The following DLL3 variants were observed in gnomAD, a reference collection of about 807,000 sequenced individuals.
DLL3 encodes delta like canonical Notch ligand 3, also known as delta-like protein 3.
DLL3 carries 49 observed loss-of-function variants against 55.0 expected under a neutral mutation model. The ratio of observed to expected loss-of-function variants is 0.89; its 90% CI spans 0.71 to 1.13. The LOEUF is 1.13. DLL3 is among the 50% of genes most tolerant of loss of function. DLL3 has a pLI of 0.00. For missense variants in DLL3, 962 were observed against 875.5 expected (o/e 1.10, Z -1.25); for synonymous variants, 421 against 385.2 (o/e 1.09, Z -1.09).
At chr19:39,505,100 C>A in intron 5 of DLL3, 129 bp from the exon 6 acceptor site, 1 of 902,284 alleles carries the variant, frequency 1.1e-6, no homozygotes, top group Non-Finnish European at 1.8e-6. Flanking sequence ...GGAGGACCTC[C>A]CAGGGTGGCC....
rs1023944294 is a variant in DLL3, at chr19:39,507,524, C to T, written c.1579C>T (p.Arg527Cys). The change falls in exon 7 of 9, where the codon CGC becomes TGC. Residue 527 changes from arginine to cysteine, a missense_variant. Transcript: ENST00000356433. The part of the protein sequence containing the change: ...RRGHSQDAGS[R>C]LLAGTPEPSV... ...TGGCCACTCCCAGGATGCTGGGTCT[C>T]GCTTGCTGGCTGGGACCCCGGAGCC... 2 of 1,603,690 alleles carry T rather than the reference C, an allele frequency of 1.2e-6. No homozygotes were observed. The highest frequency in any genetic ancestry group is 1.7e-5 in the Admixed American group (1 of 58,668).
chr19:39,503,127 C>T, intron 4 of DLL3, 70 bp downstream of exon 4: 1 of 1,452,320 alleles, frequency 6.9e-7, no homozygotes, highest in Non-Finnish European at 9.1e-7. Flanking sequence ...TCACTCGCGG[C>T]CCCCAGTCCC....
chr19:39,502,910 G>T lies in DLL3; in HGVS notation c.505G>T (p.Glu169Ter). The change falls in exon 4 of 9, where the codon GAG (glutamate) becomes TAG (stop). Residue 169 changes from glutamate (E) to a stop codon, truncating the protein, a stop_gained. Transcript: ENST00000356433. LOFTEE classifies it high-confidence loss of function. Reference sequence around the variant, plus strand: ...GGACATTCAGCGCGCAGGCGCCTGGGAGCTGCGCTTCTCGTACCGCGCGCG... The same window carrying T: ...GGACATTCAGCGCGCAGGCGCCTGGTAGCTGCGCTTCTCGTACCGCGCGCG... Reference protein sequence around the residue: ...ARDIQRAGAWELRFSYRARCE... With the variant: ...ARDIQRAGAW The T allele has an allele frequency of 6.9e-7, 1 of 1,447,656 alleles. No homozygotes were observed. The highest frequency in any genetic ancestry group is 9.0e-7 in the Non-Finnish European group (1 of 1,105,648). The allele number at this position is 1,447,656 out of a possible 1,614,324, so 89.7% of individuals were successfully genotyped here.
At chr19:39,501,581 CA>C (rs961712520) in intron 3 of DLL3, among the ~76,000 whole-genome samples, 1 of 152,136 alleles carries the variant, frequency 6.6e-6, no homozygotes, top group Non-Finnish European at 1.5e-5. Context: ...TTTGGCTTCC[CA>C]AAACGTTGGG....
rs1389179156 is a variant in DLL3, at chr19:39,502,910, G to C, written c.505G>C (p.Glu169Gln). The C allele has an allele frequency of 2.1e-5, 31 of 1,447,550 alleles. No individual in the cohort carries two copies. The highest frequency in any genetic ancestry group is 2.6e-5 in the Non-Finnish European group (29 of 1,105,658). The allele number at this position is 1,447,550 out of a possible 1,614,324, so 89.7% of individuals were successfully genotyped here. ...GGACATTCAGCGCGCAGGCGCCTGG[G>C]AGCTGCGCTTCTCGTACCGCGCGCG... ...ARDIQRAGAW[E>Q]LRFSYRARCE... The change falls in exon 4 of 9, where the codon GAG becomes CAG. Residue 169 changes from glutamate to glutamine, a missense_variant. Transcript: ENST00000356433.
chr19:39,502,868 G>A lies in DLL3; in HGVS notation c.463G>A (p.Gly155Arg), dbSNP rs1226443841. 10 of 1,416,868 alleles carry A rather than the reference G, an allele frequency of 7.1e-6. No homozygotes were observed. Among genetic ancestry groups the A allele is most frequent in the Non-Finnish European group, 8.3e-6 (9 of 1,090,612 alleles). The allele number at this position is 1,416,868 out of a possible 1,614,324, so 87.8% of individuals were successfully genotyped here. ...RVAGRRRLAA[G>R]GPWARDIQRA... ...GGCTGGCAGGCGGCGCTTGGCAGCCGGAGGCCCGTGGGCCCGGGACATTCA... is the reference window on the plus strand; with the variant it reads ...GGCTGGCAGGCGGCGCTTGGCAGCCAGAGGCCCGTGGGCCCGGGACATTCA... Residue 155 changes from glycine to arginine, a missense_variant, in exon 4 of 9, where the codon GGA (glycine) becomes AGA (arginine). Gly to Arg is a moderately radical substitution (Grantham distance 125, BLOSUM62 -2). Coordinates refer to ENST00000356433, the MANE Select transcript of DLL3 (RefSeq NM_203486.3).
Position 39,508,414 on chromosome 19 carries a change from T to A in DLL3, c.*157T>A, listed in dbSNP as rs1049234613. The A allele has an allele frequency of 1.2e-5, 10 of 818,340 alleles. No individual in the cohort carries two copies. Among genetic ancestry groups the A allele is most frequent in the Non-Finnish European group, 2.0e-5 (10 of 494,444 alleles). The allele number at this position is 818,340 out of a possible 1,614,324, so 50.7% of individuals were successfully genotyped here. On this transcript the variant is annotated 3_prime_UTR_variant, in exon 9 of 9. Coordinates refer to ENST00000356433, the MANE Select transcript of DLL3 (RefSeq NM_203486.3). ...TTGTAAATAATGGTTATTTATATCC[T>A]ATTTTTTCTCACCCCATCTCTCTAG...
chr19:39,504,260 AC>A lies in DLL3; in HGVS notation c.845del (p.Pro282ArgfsTer30). On this transcript the variant is annotated frameshift_variant, in exon 5 of 9. Coordinates refer to ENST00000356433, the MANE Select transcript of DLL3 (RefSeq NM_203486.3). LOFTEE classifies it high-confidence loss of function. ...LVPGPGPCDG[N>X]PCANGGSCSE... is the part of the protein sequence containing the mutation. ...CCTGGGCCTGGGCCCTGTGACGGGA[AC>A]CCGTGTGCCAATGGAGGCAGCTGTA... 6.2e-7 allele frequency: 1 copy of A among 1,612,938 alleles called. No individual in the cohort carries two copies. The highest frequency in any genetic ancestry group is 8.5e-7 in the Non-Finnish European group (1 of 1,180,010).
At position 39,502,991 on chromosome 19, in the gene DLL3, GC is replaced by G; in HGVS notation, c.591del (p.Ser198ArgfsTer43). ...CACGCGCCTCTGCCGTCCGCGCAGC[GC>G]CCCCTCGCGGTGCGGTCCGGGACTG... ...ACTRLCRPRS[A>X]PSRCGPGLRP... On this transcript the variant is annotated frameshift_variant, in exon 4 of 9. Coordinates refer to ENST00000356433, the MANE Select transcript of DLL3 (RefSeq NM_203486.3). LOFTEE classifies it high-confidence loss of function. 2 of 1,482,842 alleles carry G rather than the reference GC, an allele frequency of 1.3e-6. No homozygotes were observed. The highest frequency in any genetic ancestry group is 2.3e-5 in the Admixed American group (1 of 43,576). The allele number at this position is 1,482,842 out of a possible 1,614,324, so 91.9% of individuals were successfully genotyped here.
At position 39,507,638 on chromosome 19, in the gene DLL3, A is replaced by T; in HGVS notation, c.1673+20A>T. 1 of 1,599,242 alleles carries T rather than the reference A, an allele frequency of 6.3e-7. No homozygotes were observed. On this transcript the variant is annotated intron_variant, in intron 7 of 8. Transcript: ENST00000356433. ...TCCGAGGTGAGGGGCTGCGCCACAG[A>T]CGAACGCCTTGCGCTGCTGGCTGCT...
rs1352959894 is a variant in DLL3, at chr19:39,507,317, G to A, written c.1372G>A (p.Gly458Ser). 6.4e-7 allele frequency: 1 copy of A among 1,562,910 alleles called. No homozygotes were observed. The highest frequency in any genetic ancestry group is 8.6e-7 in the Non-Finnish European group (1 of 1,162,232). The change falls in exon 7 of 9, where the codon GGC becomes AGC. Residue 458 changes from glycine to serine, a missense_variant. Gly to Ser is a moderately conservative substitution (Grantham distance 56). Transcript: ENST00000356433. ...FSGLVCACAP[G>S]YMGARCEFPV... Reference sequence around the variant, plus strand: ...CGGCCTCGTCTGCGCTTGCGCTCCCGGCTACATGGGAGCGCGGTGTGAGTT... The same window carrying A: ...CGGCCTCGTCTGCGCTTGCGCTCCCAGCTACATGGGAGCGCGGTGTGAGTT...
At chr19:39,500,467 C>A in intron 2 of DLL3, 148 bp from the exon 3 acceptor site, 1 of 501,048 alleles carries the variant, frequency 2.0e-6, no homozygotes, top group Non-Finnish European at 3.9e-6. Flanking sequence ...CCTCCCTGGG[C>A]TGGTCTGGTC....
chr19:39,504,052 G>T lies in DLL3; in HGVS notation c.653-19G>T, dbSNP rs1309694808. ...CGACGTTGGTGTTCCCTTTCTCTCTGCCTCTCTGTCCCCCATAGTGGTGTG... is the reference window on the plus strand; with the variant it reads ...CGACGTTGGTGTTCCCTTTCTCTCTTCCTCTCTGTCCCCCATAGTGGTGTG... On this transcript the variant is annotated intron_variant, in intron 4 of 8. Transcript: ENST00000356433. The T allele has an allele frequency of 1.2e-6, 2 of 1,612,422 alleles. No individual in the cohort carries two copies. Among genetic ancestry groups the T allele is most frequent in the South Asian group, 1.1e-5 (1 of 91,070 alleles).
chr19:39,503,780 CT>C (rs1176500857), intron 4 of DLL3, among the ~76,000 whole-genome samples: 2 of 152,172 alleles, frequency 1.3e-5, no homozygotes, highest in Non-Finnish European at 2.9e-5. Flanking sequence ...CTGGGTGCCC[CT>C]GTCCCATCCT....
At chr19:39,505,492 G>A (rs1251329371) in intron 6 of DLL3, 41 bp downstream of exon 6, 1 of 1,607,702 alleles carries the variant, frequency 6.2e-7, no homozygotes, top group Non-Finnish European at 8.5e-7. Context: ...TGGGGTGGGG[G>A]TCCTGGATGG....
chr19:39,499,514 A>G, intron 2 of DLL3, 41 bp downstream of exon 2: 1 of 1,562,804 alleles, frequency 6.4e-7, no homozygotes, highest in Non-Finnish European at 8.6e-7. Flanking sequence ...CTGGAGGCCT[A>G]ACCCTGCCAG....
chr19:39,502,090 G>A (rs992386118), intron 3 of DLL3, among the ~76,000 whole-genome samples: 1 of 151,720 alleles, frequency 6.6e-6, no homozygotes, highest in African/African-American at 2.4e-5. Context: ...GGGAGGCTGA[G>A]GCAGGAGAAT....
chr19:39,507,361 C>T lies in DLL3; in HGVS notation c.1416C>T (p.Gly472=). 2 of 1,572,076 alleles carry T rather than the reference C, an allele frequency of 1.3e-6. No individual in the cohort carries two copies. The highest frequency in any genetic ancestry group is 1.7e-6 in the Non-Finnish European group (2 of 1,164,952). Residue 472 remains glycine (G), a synonymous_variant, in exon 7 of 9, where the codon GGC becomes GGT. Transcript: ENST00000356433. ...ARCEFPVHPD[G]ASALPAAPPG... is the part of the protein sequence containing the mutation. ...GTGAGTTCCCAGTGCACCCCGACGG[C>T]GCAAGCGCCTTGCCCGCGGCCCCGC...
At position 39,503,025 on chromosome 19, in the gene DLL3, G is replaced by C; in HGVS notation, c.620G>C (p.Cys207Ser). 1 of 1,516,804 alleles carries C rather than the reference G, an allele frequency of 6.6e-7. No homozygotes were observed. Among genetic ancestry groups the C allele is most frequent in the Non-Finnish European group, 8.8e-7 (1 of 1,139,294 alleles). The allele number at this position is 1,516,804 out of a possible 1,614,324, so 94.0% of individuals were successfully genotyped here. A position where few individuals can be genotyped will look rare whatever the true frequency, so the allele number is the denominator to read the frequency against. The change falls in exon 4 of 9, where the codon TGC (cysteine) becomes TCC (serine). Residue 207 changes from cysteine (C) to serine (S), a missense_variant. Cys to Ser is a moderately radical substitution (Grantham distance 112). Transcript: ENST00000356433. Reference protein sequence around the residue: ...PSRCGPGLRPCAPLEDECEAP... With the variant: ...PSRCGPGLRPSAPLEDECEAP... The stretch of plus-strand genomic sequence containing the variant: ...CGGTGCGGTCCGGGACTGCGCCCCT[G>C]CGCACCGCTCGAGGACGAATGTGAG...
Sources: gnomAD v4.1 joint callset for allele counts (sites outside exome capture counted in the v4.1 genomes callset) on GRCh38, gnomAD v4.1.1 for gene constraint, MANE v1.5 for transcripts, NCBI Gene and HGNC (gene_info 2026-07-23, HGNC 2026-07-21) for gene names.